Variants in LILRB3 observed in about 807,000 individuals in gnomAD.
LILRB3 encodes the protein leukocyte immunoglobulin like receptor B3.
A neutral mutation model predicts 68.2 loss-of-function variants in LILRB3; 32 were observed. The observed-to-expected ratio is 0.47, with a 90% CI of 0.35 to 0.63. The LOEUF (loss-of-function observed/expected upper bound fraction) is 0.63, where lower values mean the gene tolerates loss of function less well. Ranked by LOEUF, LILRB3 falls within the 30% of genes least tolerant of loss-of-function variation. LILRB3 has a pLI of 0.00. For synonymous variants in LILRB3, 185 were observed against 323.1 expected (o/e 0.57, Z 4.58); for missense variants, 502 against 791.3 (o/e 0.63, Z 4.39).
chr19:54,220,002 A>T (rs762610435), intron 7 of LILRB3, 153 bp downstream of exon 7: 4 of 1,169,412 alleles, frequency 3.4e-6, no homozygotes, highest in Non-Finnish European at 4.6e-6. Context: ...GGGCCCCAAC[A>T]TCTCCCTCTG....
chr19:54,218,059 AGAG>A (rs1175904736), intron 11 of LILRB3, among the ~76,000 whole-genome samples: 1 of 144,278 alleles, frequency 6.9e-6, no homozygotes, highest in East Asian at 1.9e-4. Flanking sequence ...GAATGAATGA[AGAG>A]GAGCCCAGGG....
exon 11 of LILRB3, chr19:54,218,361 C>T (rs80136275): frequency 8.1e-6 from 13 of 1,614,100 alleles, no homozygotes; most frequent in Admixed American, 1.7e-5. Context: ...GGGATCTCAC[C>T]TGACTGTCCA....
rs2077803000 is a variant in LILRB3 at position 54,219,159 on chromosome 19, G to GTC, written c.1395_1396insGA (p.Arg466AspfsTer35). 1.3e-4 allele frequency: 192 copies of GTC among 1,527,840 alleles called. No individual in the cohort carries two copies. Among genetic ancestry groups the GTC allele is most frequent in the Admixed American group, 1.4e-4 (8 of 55,668 alleles). 94.6% of individuals were successfully genotyped at this position (1,527,840 alleles called of 1,614,324 possible). ...GTCCTGTGTTTGCTGTGACGCTGACGGAGGAGGAGGAGGAAGAGGAGGAGG... is the reference window on the plus strand; with the variant it reads ...GTCCTGTGTTTGCTGTGACGCTGACGTCGAGGAGGAGGAGGAAGAGGAGGAGG... On this transcript the variant is annotated frameshift_variant, in exon 8 of 13. Transcript: ENST00000445347. LOFTEE classifies it high-confidence loss of function.
At chr19:54,219,864 C>A in intron 7 of LILRB3, 1 of 1,549,012 alleles carries the variant, frequency 6.5e-7, no homozygotes, top group Non-Finnish European at 8.7e-7. Flanking sequence ...GAGCCCCTCA[C>A]TCACCATTCT....
Position 54,216,786 on chromosome 19 carries a change from G to A in LILRB3, c.*307C>T, listed in dbSNP as rs941859777. The stretch of plus-strand genomic sequence containing the variant: ...GCAGCCTCAGCAGCCTTAACTTCTT[G>A]TGTTCAAGGAATCCTCCCCACTCAG... On this transcript the variant is annotated 3_prime_UTR_variant, in exon 13 of 13. Transcript: ENST00000445347. The A allele has an allele frequency of 6.4e-6, 8 of 1,245,112 alleles. No homozygotes were observed. The African/African-American group carries it at 1.1e-4, about 17-fold the overall frequency. The allele number at this position is 1,245,112 out of a possible 1,614,324, so 77.1% of individuals were successfully genotyped here.
intron 8 of LILRB3, 125 bp from the exon 9 acceptor site, chr19:54,218,963 A>G: frequency 6.5e-7 from 1 of 1,537,016 alleles, no homozygotes; most frequent in Non-Finnish European, 8.8e-7. Flanking sequence ...ATTTTATGAG[A>G]TAGAAAAAAA....
At chr19:54,219,327 T>C in intron 7 of LILRB3, 82 bp from the exon 8 acceptor site, 1 of 1,494,474 alleles carries the variant, frequency 6.7e-7, no homozygotes, top group South Asian at 1.3e-5. Flanking sequence ...AGGTCTTTCC[T>C]TCGTGACCTC....
chr19:54,219,663 C>A, intron 7 of LILRB3: 1 of 1,482,944 alleles, frequency 6.7e-7, no homozygotes, highest in Non-Finnish European at 9.0e-7. Flanking sequence ...GAGGCCTCCT[C>A]TCCCAGGAGG....
chr19:54,222,750 C>A, exon 2 of LILRB3: 2 of 1,612,574 alleles, frequency 1.2e-6, no homozygotes, highest in Admixed American at 1.7e-5. Context: ...GACTCACCTG[C>A]CTGCATGCGG....
Position 54,219,246 on chromosome 19 carries a change from C to G in LILRB3, c.1310-1G>C. 2 of 1,564,942 alleles carry G rather than the reference C, an allele frequency of 1.3e-6. No homozygotes were observed. The highest frequency in any genetic ancestry group is 1.7e-6 in the Non-Finnish European group (2 of 1,157,134). On this transcript the variant is annotated splice_acceptor_variant, in intron 7 of 12. Transcript: ENST00000445347. LOFTEE classifies it high-confidence loss of function. ...AAAACCTCCAGGTATCTTCCCAGAC[C>G]TTGACATGAGGACGTCAGGAGTGGG...
At chr19:54,219,757 A>G in intron 7 of LILRB3, 4 of 1,470,070 alleles carry the variant, frequency 2.7e-6, no homozygotes, top group Non-Finnish European at 3.6e-6. Context: ...AGGCCCAGGC[A>G]GGGGAGGGGC....
At chr19:54,220,585 T>C (rs2078053742) in exon 6 of LILRB3, 1 of 1,452,680 alleles carries the variant, frequency 6.9e-7, no homozygotes, top group Non-Finnish European at 9.3e-7. Context: ...GGGTTGGAGC[T>C]GCGTGAGCCG....
At chr19:54,219,931 C>T (rs1394424897) in intron 7 of LILRB3, 3 of 1,497,732 alleles carry the variant, frequency 2.0e-6, no homozygotes, top group Admixed American at 2.1e-5. Flanking sequence ...TGGGTCAGGA[C>T]AGGGAGGTGA....
rs764618770 is a variant in LILRB3, at chr19:54,221,968, T to C, written c.518A>G (p.His173Arg). The change falls in exon 4 of 13, where the codon CAC becomes CGC. Residue 173 changes from histidine (H) to arginine (R), a missense_variant. By Grantham distance (29) the His-to-Arg change is conservative. Coordinates refer to ENST00000445347, the Ensembl canonical transcript of LILRB3. ...GAACAGGGCCTGGAACCCCCCACTG[T>C]GGAGCTGCTGTGAGTCCAGGGTCCG... 3 of 1,607,818 alleles carry C rather than the reference T, an allele frequency of 1.9e-6. No homozygotes were observed. The African/African-American group carries it at 4.2e-5, about 22-fold the overall frequency.
chr19:54,219,955 C>T lies in LILRB3; in HGVS notation c.1309+200G>A, dbSNP rs562160742. On this transcript the variant is annotated intron_variant, in intron 7 of 12. Coordinates refer to ENST00000445347, the Ensembl canonical transcript of LILRB3. ...ACAGGGAGGTGAAGGCTGGGGCTGT[C>T]TTGCCCCCCACATCAGCCCGGCTCC... 1.7e-5 allele frequency: 22 copies of T among 1,330,958 alleles called. 1 individual carries two copies. The African/African-American group carries it at 2.6e-4, about 16-fold the overall frequency. The allele number at this position is 1,330,958 out of a possible 1,614,324, so 82.4% of individuals were successfully genotyped here. A position where few individuals can be genotyped will look rare whatever the true frequency, so the allele number is the denominator to read the frequency against.
chr19:54,222,995 C>G (rs761000728), exon 1 of LILRB3: 1 of 1,612,252 alleles, frequency 6.2e-7, no homozygotes, highest in African/African-American at 1.4e-5. Flanking sequence ...CTCCCGGTGA[C>G]CCCGCGCTCT....
chr19:54,219,398 G>A, intron 7 of LILRB3, 153 bp from the exon 8 acceptor site: 1 of 1,460,520 alleles, frequency 6.8e-7, no homozygotes. Context: ...TTTCACAGAT[G>A]CACAAACTGA....
At chr19:54,219,479 G>T in intron 7 of LILRB3, 1 of 1,548,642 alleles carries the variant, frequency 6.5e-7, no homozygotes, top group Non-Finnish European at 8.7e-7. Flanking sequence ...GGGAGCCCGG[G>T]AGTCTGACCT....
At chr19:54,219,442 C>G (rs2077850614) in intron 7 of LILRB3, 197 bp from the exon 8 acceptor site, 5 of 1,528,664 alleles carry the variant, frequency 3.3e-6, no homozygotes, top group African/African-American at 2.8e-5. Flanking sequence ...CCCCAGGCCT[C>G]CAGCGAGGAA....
Sources: gnomAD v4.1 joint callset for allele counts (sites outside exome capture counted in the v4.1 genomes callset) on GRCh38, gnomAD v4.1.1 for gene constraint, MANE v1.5 for transcripts, NCBI Gene and HGNC (gene_info 2026-07-23, HGNC 2026-07-21) for gene names.